The following DRC8 variants were observed in gnomAD, a reference collection of about 807,000 sequenced individuals.
The protein encoded by DRC8 is dynein regulatory complex subunit 8, also known as dynein regulatory complex protein 8.
chr1:244,991,434 G>A, the DRC8 span, among the ~76,000 whole-genome samples: 11 of 152,008 alleles, frequency 7.2e-5, no homozygotes, highest in East Asian at 7.7e-4. Flanking sequence ...TTCGAGATTC[G>A]CTCAATCCCC....
At chr1:245,040,289 A>G in the DRC8 span, among the ~76,000 whole-genome samples, 2 of 152,252 alleles carry the variant, frequency 1.3e-5, 1 homozygote, top group African/African-American at 4.8e-5. Flanking sequence ...AACCCTTGTT[A>G]TGACCAAGGC....
chr1:245,101,704 T>C, the DRC8 span, among the ~76,000 whole-genome samples: 1 of 152,230 alleles, frequency 6.6e-6, no homozygotes, highest in Middle Eastern at 3.2e-3. Context: ...ACATAATAGA[T>C]GTACATGCTT....
the DRC8 span, chr1:245,087,112 T>C: frequency 7.6e-7 from 1 of 1,324,332 alleles, no homozygotes; most frequent in Non-Finnish European, 1.0e-6. Flanking sequence ...ATGTCCTGGC[T>C]CTACAGCTCC....
the DRC8 span, among the ~76,000 whole-genome samples, chr1:245,097,678 A>G: frequency 6.6e-6 from 1 of 152,172 alleles, no homozygotes; most frequent in African/African-American, 2.4e-5. This position sits in a 1 kb window ranked among gnomAD's most constrained non-coding sequence, Gnocchi z 5.0. Flanking sequence ...CTATGAAGAA[A>G]AATGAAGCAG....
chr1:245,047,496 G>A, the DRC8 span, among the ~76,000 whole-genome samples: 44,661 of 151,738 alleles, frequency 0.29, 6,760 homozygotes, highest in Middle Eastern at 0.35. Context: ...TTAGCCAGGC[G>A]TGGTGGCGGG....
chr1:244,992,137 A>T, the DRC8 span, among the ~76,000 whole-genome samples: 1 of 152,192 alleles, frequency 6.6e-6, no homozygotes, highest in Non-Finnish European at 1.5e-5. Flanking sequence ...ACAAGGAAAA[A>T]CTTTTCTTCA....
the DRC8 span, among the ~76,000 whole-genome samples, chr1:244,974,670 T>G: frequency 3.3e-5 from 5 of 152,140 alleles, no homozygotes; most frequent in Admixed American, 3.3e-4. Flanking sequence ...TTTTTTCTTC[T>G]TTTATTTTGA....
chr1:244,970,267 T>TGC, the DRC8 span: 1 of 709,412 alleles, frequency 1.4e-6, no homozygotes, highest in Non-Finnish European at 2.5e-6. Flanking sequence ...CGGAGCCTCC[T>TGC]CCCCGCCCCG....
the DRC8 span, among the ~76,000 whole-genome samples, chr1:245,024,060 C>T: frequency 6.6e-6 from 1 of 152,060 alleles, no homozygotes. Flanking sequence ...ATCCCAGCTA[C>T]TTGGGAGGCT....
the DRC8 span, among the ~76,000 whole-genome samples, chr1:245,105,992 T>C: frequency 2.6e-5 from 4 of 152,230 alleles, no homozygotes; most frequent in Admixed American, 2.6e-4. Flanking sequence ...GGCAGGAGGA[T>C]CACTTGAGCC....
At chr1:244,982,615 AG>A in the DRC8 span, among the ~76,000 whole-genome samples, 29 of 152,328 alleles carry the variant, frequency 1.9e-4, no homozygotes, top group South Asian at 6.2e-4. Context: ...AATGTGGCTG[AG>A]GAAAGAATCA....
chr1:245,082,929 G>A, the DRC8 span, among the ~76,000 whole-genome samples: 1 of 151,910 alleles, frequency 6.6e-6, no homozygotes, highest in Non-Finnish European at 1.5e-5. Flanking sequence ...GGCTGGTCTC[G>A]AACTCCTGAC....
the DRC8 span, among the ~76,000 whole-genome samples, chr1:245,022,737 A>G: frequency 6.6e-6 from 1 of 151,904 alleles, no homozygotes. Flanking sequence ...GTGTGTGTGC[A>G]TGTGTGTATT....
chr1:244,995,504 A>G, the DRC8 span, among the ~76,000 whole-genome samples: 131,154 of 152,174 alleles, frequency 0.86, 56,970 homozygotes, highest in East Asian at 1. Flanking sequence ...AACTACAGGT[A>G]TGTGCCACTG....
the DRC8 span, among the ~76,000 whole-genome samples, chr1:245,090,168 G>A: frequency 1.3e-5 from 2 of 152,296 alleles, 1 homozygote; most frequent in Non-Finnish European, 2.9e-5. Flanking sequence ...AAGCAGTTCC[G>A]ATGGTGTCCG....
the DRC8 span, among the ~76,000 whole-genome samples, chr1:245,035,879 A>AAAAAAG: frequency 1.3e-5 from 2 of 151,658 alleles, no homozygotes; most frequent in South Asian, 2.1e-4. Flanking sequence ...AAAAAAAAAA[A>AAAAAAG]AAGAAGAAGA....
At chr1:244,994,435 T>C in the DRC8 span, among the ~76,000 whole-genome samples, 1 of 152,128 alleles carries the variant, frequency 6.6e-6, no homozygotes, top group Non-Finnish European at 1.5e-5. Context: ...ACTTCTTTTT[T>C]TATTTTTTTT....
chr1:245,088,232 T>C, the DRC8 span, among the ~76,000 whole-genome samples: 1 of 151,836 alleles, frequency 6.6e-6, no homozygotes. The surrounding 1 kb of genome is among the most constrained non-coding windows in gnomAD (Gnocchi z 4.6). Context: ...ATATGGCAAC[T>C]ATATGGCAAC....
At chr1:245,079,651 T>G in the DRC8 span, among the ~76,000 whole-genome samples, 1 of 152,158 alleles carries the variant, frequency 6.6e-6, no homozygotes, top group African/African-American at 2.4e-5. Context: ...GCATGTAAGC[T>G]AAAGAGGGGT....
Sources: gnomAD v4.1 joint callset for allele counts (sites outside exome capture counted in the v4.1 genomes callset) on GRCh38, gnomAD v4.1.1 for gene constraint, Gnocchi (gnomAD v3.1) non-coding constraint, MANE v1.5 for transcripts, NCBI Gene and HGNC (gene_info 2026-07-23, HGNC 2026-07-21) for gene names.